GALNT13: variants seen among roughly 807,000 people sequenced by gnomAD.
GALNT13 encodes UDP-GalNAc:polypeptide N-acetylgalactosaminyltransferase 13.
GALNT13 carries 28 observed loss-of-function variants against 64.2 expected under a neutral mutation model. The observed-to-expected ratio is 0.44, with a 90% CI of 0.32 to 0.60. The LOEUF is 0.60. Ranked by LOEUF, GALNT13 falls within the 20% of genes least tolerant of loss-of-function variation. The probability of loss-of-function intolerance (pLI) is 0.05; values close to 1 mark genes in which losing one functional copy is unlikely to be tolerated. For missense variants in GALNT13, 577 were observed against 669.8 expected (o/e 0.86, Z 1.53); for synonymous variants, 214 against 224.6 (o/e 0.95, Z 0.42).
chr2:153,941,143 A>G (rs544873214), intron 2 of GALNT13, among the ~76,000 whole-genome samples: 49 of 152,170 alleles, frequency 3.2e-4, no homozygotes, highest in African/African-American at 1.0e-3. Context: ...TTACAGGCAC[A>G]CGCCACCTTG....
chr2:153,161,119 T>C, the GALNT13 span, among the ~76,000 whole-genome samples: 1 of 152,250 alleles, frequency 6.6e-6, no homozygotes, highest in African/African-American at 2.4e-5. Flanking sequence ...CAAGTTCTGC[T>C]ACATTAACTC....
chr2:153,630,809 T>TATATTTA, the GALNT13 span, among the ~76,000 whole-genome samples: 2 of 14,076 alleles, frequency 1.4e-4, no homozygotes, highest in African/African-American at 2.9e-4. Flanking sequence ...ATATATATAT[T>TATATTTA]TTTTTTTTTT....
Position 153,908,828 on chromosome 2 carries a change from C to T in GALNT13, c.-105+7821C>T, listed in dbSNP as rs776902913. On this transcript the variant is annotated intron_variant, in intron 2 of 12. Transcript: ENST00000392825. ...ATAGTTTGAAGTTGGTAACATAATGCGTCCAACTTTGTTCTTTTTGCTGAG... is the reference window on the plus strand; with the variant it reads ...ATAGTTTGAAGTTGGTAACATAATGTGTCCAACTTTGTTCTTTTTGCTGAG... 1.7e-4 allele frequency among the ~76,000 whole-genome samples: 26 copies of T among 152,082 alleles called. 1 individual carries two copies. Among genetic ancestry groups the T allele is most frequent in the African/African-American group, 6.0e-4 (25 of 41,526 alleles).
chr2:153,414,920 T>C, the GALNT13 span, among the ~76,000 whole-genome samples: 1 of 152,152 alleles, frequency 6.6e-6, no homozygotes, highest in Non-Finnish European at 1.5e-5. Flanking sequence ...GGAGCAGAAC[T>C]CTGGTAAGAA....
chr2:154,354,654 A>G (rs1696625803), intron 9 of GALNT13, among the ~76,000 whole-genome samples: 1 of 151,526 alleles, frequency 6.6e-6, no homozygotes, highest in Non-Finnish European at 1.5e-5. Flanking sequence ...CACTTCTGCA[A>G]GCACCGTTTA....
chr2:154,330,007 T>C (rs1250752415), intron 9 of GALNT13, among the ~76,000 whole-genome samples: 1 of 152,080 alleles, frequency 6.6e-6, no homozygotes, highest in African/African-American at 2.4e-5. Flanking sequence ...GGTATTTCTT[T>C]ATAAAAATAT....
At chr2:153,141,261 G>T in the GALNT13 span, among the ~76,000 whole-genome samples, 2 of 151,908 alleles carry the variant, frequency 1.3e-5, no homozygotes, top group Admixed American at 6.6e-5. Flanking sequence ...GGCCACTTGT[G>T]TTGGAGTGAC....
the GALNT13 span, among the ~76,000 whole-genome samples, chr2:153,662,484 G>A: frequency 6.6e-6 from 1 of 152,116 alleles, no homozygotes; most frequent in Non-Finnish European, 1.5e-5. Context: ...TACTGCTCAG[G>A]CTTCTCTGGC....
chr2:153,261,934 C>A, the GALNT13 span, among the ~76,000 whole-genome samples: 4 of 152,226 alleles, frequency 2.6e-5, no homozygotes, highest in Middle Eastern at 3.4e-3. Flanking sequence ...ATGACACAAA[C>A]CCTGAGTCTC....
intron 1 of GALNT13, among the ~76,000 whole-genome samples, chr2:153,893,332 C>T (rs1004065828): frequency 6.6e-6 from 1 of 152,040 alleles, no homozygotes; most frequent in Non-Finnish European, 1.5e-5. Flanking sequence ...TAACTTATAG[C>T]TGTGTAATTA....
chr2:154,077,804 G>T (rs937309876), intron 3 of GALNT13, among the ~76,000 whole-genome samples: 3 of 151,502 alleles, frequency 2.0e-5, no homozygotes, highest in Non-Finnish European at 3.0e-5. Flanking sequence ...ATAATGAAAG[G>T]TTAAGTAAAT....
the GALNT13 span, among the ~76,000 whole-genome samples, chr2:153,090,545 GA>G: frequency 1.3e-5 from 2 of 152,212 alleles, 1 homozygote; most frequent in South Asian, 4.1e-4. Context: ...ATTCTGTCAT[GA>G]GTTGCTGTAA....
At chr2:154,286,480 A>G (rs1692273225) in intron 8 of GALNT13, 1 of 153,652 alleles carries the variant, frequency 6.5e-6, no homozygotes, top group South Asian at 2.0e-4. Flanking sequence ...AAGAAGTACT[A>G]AAAGGAGTTA....
intron 8 of GALNT13, among the ~76,000 whole-genome samples, chr2:154,262,003 C>T (rs1231282175): frequency 1.3e-5 from 2 of 152,080 alleles, no homozygotes; most frequent in African/African-American, 4.8e-5. Context: ...TTATTTGTAA[C>T]ATATCACTTG....
At chr2:153,319,696 A>G in the GALNT13 span, among the ~76,000 whole-genome samples, 1 of 152,202 alleles carries the variant, frequency 6.6e-6, no homozygotes, top group Admixed American at 6.5e-5. Flanking sequence ...GCCATTGTTA[A>G]TATAAATTTA....
chr2:154,303,462 G>A (rs536943416), intron 9 of GALNT13, among the ~76,000 whole-genome samples: 1 of 152,186 alleles, frequency 6.6e-6, no homozygotes, highest in East Asian at 1.9e-4. Context: ...AGATGGAGTC[G>A]CTGTTTGGAA....
At chr2:154,146,151 TAC>T (rs1166942384) in intron 4 of GALNT13, among the ~76,000 whole-genome samples, 18 of 136,080 alleles carry the variant, frequency 1.3e-4, no homozygotes, top group South Asian at 6.7e-4. Context: ...TATATATATA[TAC>T]ACACACACAC....
At chr2:153,278,251 A>G in the GALNT13 span, among the ~76,000 whole-genome samples, 2 of 152,210 alleles carry the variant, frequency 1.3e-5, no homozygotes, top group Admixed American at 1.3e-4. Context: ...GTTTCAGGGT[A>G]TTAAACCTCT....
chr2:153,982,561 T>C (rs777034028), intron 3 of GALNT13, among the ~76,000 whole-genome samples: 2 of 152,068 alleles, frequency 1.3e-5, no homozygotes, highest in Non-Finnish European at 2.9e-5. Flanking sequence ...AGTTTCTGCA[T>C]AGCATCTGTC....
Sources: gnomAD v4.1 joint callset for allele counts (sites outside exome capture counted in the v4.1 genomes callset) on GRCh38, gnomAD v4.1.1 for gene constraint, MANE v1.5 for transcripts, NCBI Gene and HGNC (gene_info 2026-07-23, HGNC 2026-07-21) for gene names.